Variants in TJP2 observed in about 807,000 individuals in gnomAD.
The protein encoded by TJP2 is tight junction protein 2.
Under a neutral mutation model 133.1 loss-of-function variants are expected in TJP2, and 91 were observed. The observed-to-expected ratio is 0.68, with a 90% CI of 0.58 to 0.81. The LOEUF (loss-of-function observed/expected upper bound fraction) is 0.81. Ranked by LOEUF, TJP2 falls within the 40% of genes least tolerant of loss-of-function variation. TJP2 has a pLI of 0.00. For synonymous variants in TJP2, 592 were observed against 583.4 expected (o/e 1.01, Z -0.21); for missense variants, 1,541 against 1,565.6 (o/e 0.98, Z 0.26).
chr9:69,234,717 A>T (rs1231462779), intron 12 of TJP2, among the ~76,000 whole-genome samples, 170 bp downstream of exon 12: 1 of 152,182 alleles, frequency 6.6e-6, no homozygotes, highest in Non-Finnish European at 1.5e-5. Context: ...AGTGCCGTTT[A>T]ACTTTCCATA....
chr9:69,193,064 C>T (rs1174900219), intron 1 of TJP2, among the ~76,000 whole-genome samples: 10 of 151,916 alleles, frequency 6.6e-5, no homozygotes, highest in African/African-American at 1.7e-4. Flanking sequence ...TACAGGCGTG[C>T]GCCACCACAC....
intron 1 of TJP2, among the ~76,000 whole-genome samples, chr9:69,180,304 G>A (rs1019069348): frequency 6.6e-6 from 1 of 152,188 alleles, no homozygotes; most frequent in Non-Finnish European, 1.5e-5. Flanking sequence ...GTGGAGACGT[G>A]AGAACATTGC....
chr9:69,212,656 A>G, intron 2 of TJP2, 55 bp downstream of exon 2: 1 of 1,449,984 alleles, frequency 6.9e-7, no homozygotes, highest in Non-Finnish European at 9.7e-7. Flanking sequence ...TTTACGGATC[A>G]TGGATCTTAT....
intron 11 of TJP2, among the ~76,000 whole-genome samples, chr9:69,231,294 C>T (rs186013907): frequency 1.7e-4 from 26 of 152,138 alleles, no homozygotes; most frequent in Admixed American, 9.8e-4. Flanking sequence ...GACAGGGTTT[C>T]ATCATGTTGC....
At chr9:69,163,030 ATTTTT>A (rs1169586128) in intron 2 of TJP2, among the ~76,000 whole-genome samples, 2 of 79,788 alleles carry the variant, frequency 2.5e-5, no homozygotes, top group African/African-American at 4.8e-5. Flanking sequence ...ATTTTATTTT[ATTTTT>A]TTTTTTTTGA....
At chr9:69,169,115 A>C (rs747675695) in intron 2 of TJP2, among the ~76,000 whole-genome samples, 13 of 152,172 alleles carry the variant, frequency 8.5e-5, no homozygotes, top group Non-Finnish European at 1.8e-4. Flanking sequence ...CTGCCTCAGC[A>C]CTTTAGTCAT....
In TJP2 at chr9:69,218,379, T is replaced by A; in HGVS notation, c.342+20T>A. ...GCTATTGTAAGTACTGGGTTTGCTT[T>A]CAGCTTGCCTTAATAGCATTTTGGT... is the stretch of plus-strand genomic sequence containing the variant. On this transcript the variant is annotated intron_variant, in intron 4 of 22. Coordinates refer to ENST00000377245, the MANE Select transcript of TJP2 (RefSeq NM_004817.4). The A allele has an allele frequency of 6.2e-7, 1 of 1,602,758 alleles. No homozygotes were observed. Among genetic ancestry groups the A allele is most frequent in the Non-Finnish European group, 8.5e-7 (1 of 1,169,768 alleles).
chr9:69,141,476 T>A (rs1300098894), intron 1 of TJP2, among the ~76,000 whole-genome samples: 1 of 152,122 alleles, frequency 6.6e-6, no homozygotes, highest in East Asian at 1.9e-4. Context: ...TCTCACTGTT[T>A]TTCCCACAAG....
At chr9:69,229,616 G>C (rs1466116042) in intron 10 of TJP2, among the ~76,000 whole-genome samples, 1 of 152,220 alleles carries the variant, frequency 6.6e-6, no homozygotes, top group East Asian at 1.9e-4. Flanking sequence ...CCCAGTGTCA[G>C]TCCGTGTGGG....
chr9:69,228,256 A>G, intron 9 of TJP2, 142 bp downstream of exon 9: 1 of 1,033,148 alleles, frequency 9.7e-7, no homozygotes, highest in Non-Finnish European at 1.4e-6. Context: ...TAACATGGTA[A>G]CAGAAAACCA....
chr9:69,175,921 A>G (rs1019257157), intron 1 of TJP2, among the ~76,000 whole-genome samples: 1 of 152,168 alleles, frequency 6.6e-6, no homozygotes, highest in African/African-American at 2.4e-5. Flanking sequence ...TTTCAGTACC[A>G]TCCAGATATT....
intron 1 of TJP2, among the ~76,000 whole-genome samples, chr9:69,178,842 A>G (rs1465003006): frequency 1.3e-5 from 2 of 152,196 alleles, no homozygotes; most frequent in Non-Finnish European, 2.9e-5. Flanking sequence ...GAAGGACATC[A>G]CTGTATTATC....
At chr9:69,164,622 C>G (rs747155096) in intron 2 of TJP2, among the ~76,000 whole-genome samples, 20 of 152,124 alleles carry the variant, frequency 1.3e-4, no homozygotes, top group Non-Finnish European at 2.2e-4. Context: ...CTTGATTCCC[C>G]AGCATTGCTT....
intron 1 of TJP2, among the ~76,000 whole-genome samples, chr9:69,146,080 A>C (rs932822768): frequency 2.6e-5 from 4 of 152,116 alleles, no homozygotes; most frequent in Admixed American, 2.0e-4. Context: ...TAGACATTTA[A>C]TTTTCTGATT....
chr9:69,166,235 CAAG>C (rs999885242), intron 2 of TJP2, among the ~76,000 whole-genome samples: 61 of 152,118 alleles, frequency 4.0e-4, no homozygotes, highest in Non-Finnish European at 1.5e-4. Flanking sequence ...TTCAGCCTCC[CAAG>C]TAGCTGGGAC....
At chr9:69,176,015 C>G (rs1474542742) in intron 1 of TJP2, among the ~76,000 whole-genome samples, 1 of 152,158 alleles carries the variant, frequency 6.6e-6, no homozygotes, top group African/African-American at 2.4e-5. Flanking sequence ...ATTTAGGGGT[C>G]TAGTGGACCT....
rs569124373 is a variant in TJP2, at chr9:69,245,935, A to G, written c.2567-755A>G. Among the ~76,000 whole-genome samples the G allele has an allele frequency of 1.7e-3, 259 of 152,344 alleles. 1 individual carries two copies. The highest frequency in any genetic ancestry group is 5.6e-3 in the African/African-American group (231 of 41,572). On this transcript the variant is annotated intron_variant, in intron 17 of 22. Coordinates refer to ENST00000377245, the MANE Select transcript of TJP2 (RefSeq NM_004817.4). ...CAAAGTGATATACAGTCAGCTCTCC[A>G]TGTCTGTGGTTTCCACATTCATGAA...
At chr9:69,158,273 A>G (rs1290437208) in intron 2 of TJP2, among the ~76,000 whole-genome samples, 1 of 132,450 alleles carries the variant, frequency 7.6e-6, no homozygotes. Context: ...GGTTGCAGTG[A>G]GCCTAGATGG....
At chr9:69,181,249 T>C (rs1419125140) in intron 1 of TJP2, among the ~76,000 whole-genome samples, 2 of 136,620 alleles carry the variant, frequency 1.5e-5, no homozygotes, top group African/African-American at 5.6e-5. Context: ...TCTTTTTTTT[T>C]TTTTTTTTTT....
Sources: gnomAD v4.1 joint callset for allele counts (sites outside exome capture counted in the v4.1 genomes callset) on GRCh38, gnomAD v4.1.1 for gene constraint, MANE v1.5 for transcripts, NCBI Gene and HGNC (gene_info 2026-07-23, HGNC 2026-07-21) for gene names.